Variants in ADAM15 observed in about 807,000 individuals in gnomAD.
ADAM15 encodes ADAM metallopeptidase domain 15.
ADAM15 carries 77 observed loss-of-function variants against 113.8 expected under a neutral mutation model. The ratio of observed to expected loss-of-function variants is 0.68; its 90% CI spans 0.56 to 0.82. ADAM15 has a LOEUF of 0.82. ADAM15 is among the 40% of genes least tolerant of loss of function. The pLI is 0.00. For synonymous variants in ADAM15, 388 were observed against 454.1 expected (o/e 0.85, Z 1.85); for missense variants, 963 against 1,120.1 (o/e 0.86, Z 2.00).
At chr1:155,054,610 C>T in intron 6 of ADAM15, 104 bp downstream of exon 6, 2 of 1,244,428 alleles carry the variant, frequency 1.6e-6, no homozygotes, top group Non-Finnish European at 1.1e-6. Flanking sequence ...GCGAATGGAG[C>T]ACTTTCCACA....
In ADAM15 at chr1:155,058,405, C is replaced by T; in HGVS notation, c.1881C>T (p.Leu627=). The T allele has an allele frequency of 6.2e-7, 1 of 1,613,210 alleles. No homozygotes were observed. ...LDLGSDVAQP[L]LTLPGTACGP... ...TGGGCAGTGATGTGGCCCAGCCCCT[C>T]CTGACTCTGCCTGGCACAGCCTGTG... is the stretch of plus-strand genomic sequence containing the variant. The change falls in exon 15 of 23, where the codon CTC becomes CTT. Residue 627 remains leucine, a synonymous_variant. Transcript: ENST00000356955. The surrounding 1 kb of genome is among the most constrained non-coding windows in gnomAD (Gnocchi z 4.3).
Position 155,056,590 on chromosome 1 carries a change from T to C in ADAM15, c.999+120T>C. On this transcript the variant is annotated intron_variant, in intron 10 of 22. Transcript: ENST00000356955. This position sits in a 1 kb window ranked among gnomAD's most constrained non-coding sequence, Gnocchi z 4.0. ...ACCCCAAAGCTACAGGTATAGAGGGTGGAGGTACGTGATGTGGCCTTTGCT... is the reference window on the plus strand; with the variant it reads ...ACCCCAAAGCTACAGGTATAGAGGGCGGAGGTACGTGATGTGGCCTTTGCT... 1 of 953,272 alleles carries C rather than the reference T, an allele frequency of 1.0e-6. No homozygotes were observed. Among genetic ancestry groups the C allele is most frequent in the East Asian group, 2.6e-5 (1 of 39,042 alleles). 59.1% of individuals were successfully genotyped at this position (953,272 alleles called of 1,614,324 possible).
At position 155,056,504 on chromosome 1, in the gene ADAM15, A is replaced by G. The variant is rs780632417; in HGVS notation, c.999+34A>G. On this transcript the variant is annotated intron_variant, in intron 10 of 22. Coordinates refer to ENST00000356955, the MANE Select transcript of ADAM15 (RefSeq NM_207197.3). The surrounding 1 kb of genome is among the most constrained non-coding windows in gnomAD (Gnocchi z 4.0). ...TTTCCAGGTCTCCTCCTCATTCCCA[A>G]TTCAGTTCCTCCCAAGTGTGGTGGC... is the stretch of plus-strand genomic sequence containing the variant. 13 of 1,595,730 alleles carry G rather than the reference A, an allele frequency of 8.1e-6. No individual in the cohort carries two copies. The highest frequency in any genetic ancestry group is 5.5e-5 in the South Asian group (5 of 90,510).
Position 155,057,660 on chromosome 1 carries a change from T to C in ADAM15, c.1347T>C (p.Asp449=), listed in dbSNP as rs1448453948. 1.2e-6 allele frequency: 2 copies of C among 1,614,092 alleles called. No homozygotes were observed. The highest frequency in any genetic ancestry group is 1.3e-5 in the African/African-American group (1 of 74,936). ...AGGACTGCGTCGATCCCTGCTGTGA[T>C]TCTTTGACCTGCCAGCTGAGGCCAG... The part of the protein sequence containing the change: ...FLDDCVDPCC[D]SLTCQLRPGA... The change falls in exon 13 of 23, where the codon GAT becomes GAC. Residue 449 remains aspartate, a synonymous_variant. Coordinates refer to ENST00000356955, the MANE Select transcript of ADAM15 (RefSeq NM_207197.3). This position sits in a 1 kb window ranked among gnomAD's most constrained non-coding sequence, Gnocchi z 5.0.
Position 155,057,132 on chromosome 1 carries a change from G to T in ADAM15, c.1148+31G>T. Reference sequence around the variant, plus strand: ...TAGCTGCAGGATGGAGAGAGGGTGTGGGGCAGGGGGCAGGGAGAGGCCCCC... The same window carrying T: ...TAGCTGCAGGATGGAGAGAGGGTGTTGGGCAGGGGGCAGGGAGAGGCCCCC... On this transcript the variant is annotated intron_variant, in intron 11 of 22. Transcript: ENST00000356955. The surrounding 1 kb of genome is among the most constrained non-coding windows in gnomAD (Gnocchi z 5.0). 1 of 1,575,954 alleles carries T rather than the reference G, an allele frequency of 6.3e-7. No individual in the cohort carries two copies. Among genetic ancestry groups the T allele is most frequent in the Non-Finnish European group, 8.6e-7 (1 of 1,159,158 alleles).
Position 155,054,502 on chromosome 1 carries a change from G to A in ADAM15, c.608G>A (p.Arg203His), listed in dbSNP as rs369194195. 1.2e-5 allele frequency: 19 copies of A among 1,565,866 alleles called. No individual in the cohort carries two copies. The highest frequency in any genetic ancestry group is 4.1e-5 in the African/African-American group (3 of 73,050). The change falls in exon 6 of 23, where the codon CGC (arginine) becomes CAC (histidine). Residue 203 changes from arginine (R) to histidine (H), a missense_variant. By Grantham distance (29) the Arg-to-His change is conservative. Coordinates refer to ENST00000356955, the MANE Select transcript of ADAM15 (RefSeq NM_207197.3). ...PEHPLGQRHI[R>H]RRRDVVTETK... Reference sequence around the variant, plus strand: ...CACCCCCTGGGACAGCGCCACATTCGCCGGGTGAGGATGAATGGCAGGGGG... The same window carrying A: ...CACCCCCTGGGACAGCGCCACATTCACCGGGTGAGGATGAATGGCAGGGGG...
chr1:155,061,476 C>G lies in ADAM15; in HGVS notation c.2339C>G (p.Ser780Cys), dbSNP rs1412544643. ...PSRPLPPDPV[S>C]KRLQAELADR... is the part of the protein sequence containing the mutation. ...AGGCCGCTGCCGCCTGACCCTGTGT[C>G]CAAGAGACTCCAGGTAAATCTGGGC... The change falls in exon 20 of 23, where the codon TCC becomes TGC. Residue 780 changes from serine to cysteine, a missense_variant. By Grantham distance (112) the Ser-to-Cys change is moderately radical. Coordinates refer to ENST00000356955, the MANE Select transcript of ADAM15 (RefSeq NM_207197.3). 3 of 1,613,664 alleles carry G rather than the reference C, an allele frequency of 1.9e-6. No individual in the cohort carries two copies. The highest frequency in any genetic ancestry group is 3.3e-5 in the Admixed American group (2 of 59,998).
In ADAM15 at chr1:155,056,968, A is replaced by T. The variant is rs200526054; in HGVS notation, c.1015A>T (p.Ile339Phe). 1 of 1,568,874 alleles carries T rather than the reference A, an allele frequency of 6.4e-7. No individual in the cohort carries two copies. The highest frequency in any genetic ancestry group is 2.2e-5 in the East Asian group (1 of 44,570). ...CCAATGACAGGACCACTCCACCAGC[A>T]TCCTGGGAGTCGCCTCCTCCATAGC... The part of the protein sequence containing the change: ...GGVNMDHSTS[I>F]LGVASSIAHE... Residue 339 changes from isoleucine (I) to phenylalanine (F), a missense_variant, in exon 11 of 23, where the codon ATC (isoleucine) becomes TTC (phenylalanine). By Grantham distance (21) the Ile-to-Phe change is conservative. Transcript: ENST00000356955. The surrounding 1 kb of genome is among the most constrained non-coding windows in gnomAD (Gnocchi z 4.0).
chr1:155,057,365 G>C lies in ADAM15; in HGVS notation c.1323+3G>C. The C allele has an allele frequency of 6.2e-7, 1 of 1,614,022 alleles. No individual in the cohort carries two copies. Among genetic ancestry groups the C allele is most frequent in the Non-Finnish European group, 8.5e-7 (1 of 1,179,950 alleles). On this transcript the variant is annotated splice_donor_region_variant and intron_variant, in intron 12 of 22. Coordinates refer to ENST00000356955, the MANE Select transcript of ADAM15 (RefSeq NM_207197.3). This position sits in a 1 kb window ranked among gnomAD's most constrained non-coding sequence, Gnocchi z 5.0. ...AGTGTGACTGTGGCTTCCTGGATGT[G>C]AGCCCCTTTCCCAAAGCCTCGCCCC...
intron 17 of ADAM15, 64 bp from the exon 18 acceptor site, chr1:155,060,141 C>T (rs548819264): frequency 1.3e-6 from 2 of 1,599,368 alleles, no homozygotes; most frequent in Non-Finnish European, 8.6e-7. Flanking sequence ...TCCCTGCCCC[C>T]TGCGCCTTCA....
chr1:155,061,415 C>T lies in ADAM15; in HGVS notation c.2278C>T (p.Gln760Ter). The T allele has an allele frequency of 6.2e-7, 1 of 1,613,312 alleles. No homozygotes were observed. The highest frequency in any genetic ancestry group is 8.5e-7 in the Non-Finnish European group (1 of 1,179,672). ...QRALLARGTK[Q>*]ASALSFPAPP... ...CTATCTGCCCCTCCTGCCCTCTCAG[C>T]AGGCTAGTGCTCTCAGCTTCCCGGC... The change falls in exon 20 of 23, where the codon CAG becomes TAG. Residue 760 changes from glutamine to a stop codon, truncating the protein, a stop_gained and splice_region_variant. Transcript: ENST00000356955. LOFTEE classifies it high-confidence loss of function.
chr1:155,062,095 G>A lies in ADAM15; in HGVS notation c.2424+120G>A. On this transcript the variant is annotated intron_variant, in intron 21 of 22. Transcript: ENST00000356955. This position sits in a 1 kb window ranked among gnomAD's most constrained non-coding sequence, Gnocchi z 7.0. ...CTCAGTGCATGAGGGCACATATCCC[G>A]GTGGTGCCTTTAATGGTGACAGGTT... 1.3e-6 allele frequency: 2 copies of A among 1,484,948 alleles called. No homozygotes were observed. Among genetic ancestry groups the A allele is most frequent in the Non-Finnish European group, 1.8e-6 (2 of 1,119,814 alleles). 92.0% of individuals were successfully genotyped at this position (1,484,948 alleles called of 1,614,324 possible). A position where few individuals can be genotyped will look rare whatever the true frequency, so the allele number is the denominator to read the frequency against.
chr1:155,055,890 C>A (rs763605615), intron 7 of ADAM15, 38 bp downstream of exon 7: 1 of 1,614,214 alleles, frequency 6.2e-7, no homozygotes, highest in South Asian at 1.1e-5. Flanking sequence ...CCTCCCCCTG[C>A]ACTGCCCTGC....
chr1:155,061,802 T>G, intron 20 of ADAM15, 102 bp from the exon 21 acceptor site: 1 of 1,277,524 alleles, frequency 7.8e-7, no homozygotes, highest in Non-Finnish European at 1.1e-6. Flanking sequence ...TCCTGCCCCC[T>G]GGCTGACTTT....
At chr1:155,053,107 A>ACCCCCCCCC (rs5777934) in intron 2 of ADAM15, among the ~76,000 whole-genome samples, 8 of 102,340 alleles carry the variant, frequency 7.8e-5, no homozygotes, top group Non-Finnish European at 7.7e-5. Context: ...ACCTTACCAA[A>ACCCCCCCCC]CCCCCCCCCC....
In ADAM15 at chr1:155,051,719, G is replaced by T. The variant is rs1661048397; in HGVS notation, c.79+254G>T. 1.0e-5 allele frequency: 4 copies of T among 390,366 alleles called. No homozygotes were observed. In the South Asian group the frequency reaches 1.3e-4, roughly 12 times the overall value. 24.2% of individuals were successfully genotyped at this position (390,366 alleles called of 1,614,324 possible). ...GCGCGGTCCCTGCGGACACTTTCAG[G>T]CTCAGGTACCAGGTACCGAGGGGCC... On this transcript the variant is annotated intron_variant, in intron 1 of 22. Transcript: ENST00000356955.
At position 155,056,516 on chromosome 1, in the gene ADAM15, C is replaced by G. The variant is rs1373347047; in HGVS notation, c.999+46C>G. Reference sequence around the variant, plus strand: ...CTCCTCATTCCCAATTCAGTTCCTCCCAAGTGTGGTGGCATTTATGCACTG... The same window carrying G: ...CTCCTCATTCCCAATTCAGTTCCTCGCAAGTGTGGTGGCATTTATGCACTG... On this transcript the variant is annotated intron_variant, in intron 10 of 22. Transcript: ENST00000356955. The surrounding 1 kb of genome is among the most constrained non-coding windows in gnomAD (Gnocchi z 4.0). 1 of 1,582,212 alleles carries G rather than the reference C, an allele frequency of 6.3e-7. No individual in the cohort carries two copies. Among genetic ancestry groups the G allele is most frequent in the Non-Finnish European group, 8.7e-7 (1 of 1,153,126 alleles).
Position 155,061,753 on chromosome 1 carries a change from T to G in ADAM15, c.2353-151T>G, listed in dbSNP as rs144089621. 398 of 940,742 alleles carry G rather than the reference T, an allele frequency of 4.2e-4. 1 individual carries two copies. In the African/African-American group the frequency reaches 6.2e-3, roughly 15 times the overall value. The allele number at this position is 940,742 out of a possible 1,614,324, so 58.3% of individuals were successfully genotyped here. On this transcript the variant is annotated intron_variant, in intron 20 of 22. Coordinates refer to ENST00000356955, the MANE Select transcript of ADAM15 (RefSeq NM_207197.3). ...CACCTTCCTCCCCTGAGACATCAGC[T>G]GGCATGCCTCCAAGCCCTCTGCGCA...
Position 155,054,522 on chromosome 1 carries a change from A to AG in ADAM15, c.612+22dup. 6.5e-7 allele frequency: 1 copy of AG among 1,550,222 alleles called. No individual in the cohort carries two copies. Among genetic ancestry groups the AG allele is most frequent in the Non-Finnish European group, 8.7e-7 (1 of 1,144,944 alleles). The stretch of plus-strand genomic sequence containing the variant: ...CATTCGCCGGGTGAGGATGAATGGC[A>AG]GGGGGGTGGGCTTTGGTTGTCTTGA... On this transcript the variant is annotated intron_variant, in intron 6 of 22. Coordinates refer to ENST00000356955, the MANE Select transcript of ADAM15 (RefSeq NM_207197.3).
Sources: gnomAD v4.1 joint callset for allele counts (sites outside exome capture counted in the v4.1 genomes callset) on GRCh38, gnomAD v4.1.1 for gene constraint, Gnocchi (gnomAD v3.1) non-coding constraint, MANE v1.5 for transcripts, NCBI Gene and HGNC (gene_info 2026-07-23, HGNC 2026-07-21) for gene names.